The following GAS2 variants were observed in gnomAD, a reference collection of about 807,000 sequenced individuals.
GAS2 encodes growth arrest specific 2, also known as growth arrest-specific protein 2.
In GAS2, 20 loss-of-function variants were observed where a neutral mutation model predicts 37.5. That is an observed-to-expected ratio of 0.53 (90% confidence interval 0.37 to 0.77). GAS2 has a LOEUF of 0.77. GAS2 is among the 30% of genes least tolerant of loss of function. The probability of loss-of-function intolerance (pLI) is 0.00; values close to 1 mark genes in which losing one functional copy is unlikely to be tolerated. For missense variants in GAS2, 336 were observed against 373.4 expected (o/e 0.90, Z 0.82); for synonymous variants, 144 against 132.2 (o/e 1.09, Z -0.61).
At chr11:22,630,340 T>G (rs1037409410) in intron 1 of GAS2, among the ~76,000 whole-genome samples, 5 of 152,246 alleles carry the variant, frequency 3.3e-5, no homozygotes, top group Middle Eastern at 3.4e-3. Flanking sequence ...GAATGATGGT[T>G]TCCAGCTTCA....
chr11:22,657,417 T>G (rs1414850851), intron 1 of GAS2, among the ~76,000 whole-genome samples: 1 of 152,124 alleles, frequency 6.6e-6, no homozygotes, highest in Non-Finnish European at 1.5e-5. Flanking sequence ...TCCCTAGTTG[T>G]TTAATGTTTG....
At chr11:22,705,400 C>A (rs1590674055) in intron 3 of GAS2, among the ~76,000 whole-genome samples, 1 of 152,090 alleles carries the variant, frequency 6.6e-6, no homozygotes, top group African/African-American at 2.4e-5. Context: ...CCTGACCAAC[C>A]TATATAAAGT....
chr11:22,736,349 A>G (rs1275509574), intron 4 of GAS2, among the ~76,000 whole-genome samples: 1 of 152,016 alleles, frequency 6.6e-6, no homozygotes, highest in African/African-American at 2.4e-5. Flanking sequence ...AATTTGTGTT[A>G]TCAGTAATAG....
At chr11:22,811,765 G>T in intron 7 of GAS2, 33 bp from the exon 8 acceptor site, 1 of 1,598,128 alleles carries the variant, frequency 6.3e-7, no homozygotes, top group South Asian at 1.1e-5. Context: ...AGAATTCTCG[G>T]AATTTAACAC....
intron 1 of GAS2, among the ~76,000 whole-genome samples, chr11:22,631,313 C>A (rs924008263): frequency 3.3e-5 from 5 of 151,948 alleles, no homozygotes; most frequent in Non-Finnish European, 7.4e-5. Context: ...AATTTGGGTA[C>A]CCTTTATTTA....
chr11:22,643,353 G>A (rs1439761580), intron 1 of GAS2, among the ~76,000 whole-genome samples: 1 of 151,572 alleles, frequency 6.6e-6, no homozygotes, highest in South Asian at 2.1e-4. Flanking sequence ...CTCTTGGATT[G>A]CTAATATTCA....
chr11:22,785,792 TAAGGG>T (rs1855790863), intron 7 of GAS2, among the ~76,000 whole-genome samples: 1 of 152,140 alleles, frequency 6.6e-6, no homozygotes, highest in Admixed American at 6.6e-5. Context: ...TATAAGTCTA[TAAGGG>T]AGTATAGGAC....
intron 4 of GAS2, among the ~76,000 whole-genome samples, chr11:22,735,548 T>G (rs918197087): frequency 2.0e-5 from 3 of 151,820 alleles, no homozygotes; most frequent in African/African-American, 7.2e-5. Context: ...AGAGTTGATA[T>G]TGAGTTTTGG....
intron 3 of GAS2, among the ~76,000 whole-genome samples, chr11:22,719,888 G>T (rs1334951338): frequency 6.6e-6 from 1 of 151,922 alleles, no homozygotes; most frequent in African/African-American, 2.4e-5. Context: ...TGTTTCCAAC[G>T]AACAGAACTG....
intron 3 of GAS2, among the ~76,000 whole-genome samples, chr11:22,707,873 T>C (rs1202175412): frequency 6.6e-6 from 1 of 152,190 alleles, no homozygotes; most frequent in African/African-American, 2.4e-5. Context: ...AATGAGAACA[T>C]TAAATTTAGG....
intron 2 of GAS2, among the ~76,000 whole-genome samples, chr11:22,678,446 T>G (rs1414465861): frequency 1.3e-5 from 2 of 152,148 alleles, no homozygotes; most frequent in African/African-American, 4.8e-5. Flanking sequence ...TCTTGCTTTT[T>G]ATCTACTTGA....
At chr11:22,731,709 ATAAATCAT>A (rs1852486823) in intron 4 of GAS2, among the ~76,000 whole-genome samples, 1 of 151,792 alleles carries the variant, frequency 6.6e-6, no homozygotes, top group Non-Finnish European at 1.5e-5. Flanking sequence ...TAAGTGTTTG[ATAAATCAT>A]TCCTTATTCT....
chr11:22,761,393 T>C (rs1854385943), intron 7 of GAS2, among the ~76,000 whole-genome samples: 1 of 152,176 alleles, frequency 6.6e-6, no homozygotes, highest in Admixed American at 6.5e-5. Context: ...GCTGCTCTAA[T>C]GTTCTGATAA....
chr11:22,716,215 A>G (rs947493341), intron 3 of GAS2, among the ~76,000 whole-genome samples: 3 of 152,214 alleles, frequency 2.0e-5, no homozygotes, highest in African/African-American at 7.2e-5. Context: ...GCCATCTATG[A>G]CAAACATACT....
chr11:22,739,200 AC>A (rs781174831), intron 5 of GAS2, among the ~76,000 whole-genome samples: 1 of 152,080 alleles, frequency 6.6e-6, no homozygotes, highest in East Asian at 1.9e-4. Flanking sequence ...CTACTCCCCC[AC>A]CAACCTTGGG....
intron 1 of GAS2, chr11:22,626,514 G>T (rs1858656197): frequency 6.5e-6 from 1 of 152,988 alleles, no homozygotes; most frequent in Non-Finnish European, 1.5e-5. Flanking sequence ...GAAGGAAATG[G>T]CATTTAAGAG....
intron 7 of GAS2, among the ~76,000 whole-genome samples, chr11:22,805,358 T>C (rs889124081): frequency 1.3e-5 from 2 of 152,150 alleles, no homozygotes; most frequent in African/African-American, 2.4e-5. Flanking sequence ...ATAGTTATCA[T>C]TTTTGTGGCA....
At chr11:22,801,273 G>A (rs1028874026) in intron 7 of GAS2, among the ~76,000 whole-genome samples, 1 of 151,922 alleles carries the variant, frequency 6.6e-6, no homozygotes, top group Admixed American at 6.6e-5. Flanking sequence ...ATACTGCAGT[G>A]ACCTCCCCAA....
upstream of GAS2, among the ~76,000 whole-genome samples, chr11:22,663,512 A>G (rs1848939750): frequency 6.6e-6 from 1 of 152,204 alleles, no homozygotes; most frequent in Non-Finnish European, 1.5e-5. Context: ...AAATTAGAAA[A>G]CATATGCTTA....
Sources: gnomAD v4.1 joint callset for allele counts (sites outside exome capture counted in the v4.1 genomes callset) on GRCh38, gnomAD v4.1.1 for gene constraint, MANE v1.5 for transcripts, NCBI Gene and HGNC (gene_info 2026-07-23, HGNC 2026-07-21) for gene names.